FAF1: variants seen among roughly 807,000 people sequenced by gnomAD.
FAF1 encodes FAS-associated factor 1.
Under a neutral mutation model 92.5 loss-of-function variants are expected in FAF1, and 25 were observed. The observed-to-expected ratio is 0.27, with a 90% CI of 0.20 to 0.38. FAF1 has a LOEUF of 0.38. Ranked by LOEUF, FAF1 falls within the 10% of genes least tolerant of loss-of-function variation. FAF1 has a pLI of 1.00. For missense variants in FAF1, 636 were observed against 793.3 expected, an observed-to-expected ratio of 0.80 and a Z score of 2.38; for synonymous variants, 234 against 273.2, an observed-to-expected ratio of 0.86 and a Z score of 1.42.
At chr1:50,545,653 TG>T (rs1248929912) in intron 13 of FAF1, among the ~76,000 whole-genome samples, 1 of 152,176 alleles carries the variant, frequency 6.6e-6, no homozygotes, top group East Asian at 1.9e-4. Context: ...AAACTGGCTT[TG>T]GCAAGGTTAC....
At chr1:50,763,833 T>C (rs1355549912) in intron 4 of FAF1, among the ~76,000 whole-genome samples, 1 of 152,190 alleles carries the variant, frequency 6.6e-6, no homozygotes, top group Non-Finnish European at 1.5e-5. Flanking sequence ...ATTGAAGTGG[T>C]TTCAGGTTTT....
chr1:50,594,168 A>G (rs1217177733), intron 9 of FAF1, among the ~76,000 whole-genome samples: 1 of 151,516 alleles, frequency 6.6e-6, no homozygotes, highest in African/African-American at 2.4e-5. Flanking sequence ...CAAAAAATTG[A>G]GCCGGGTGTG....
At chr1:50,710,196 T>A (rs1310493722) in intron 6 of FAF1, among the ~76,000 whole-genome samples, 1 of 152,226 alleles carries the variant, frequency 6.6e-6, no homozygotes, top group East Asian at 1.9e-4. Flanking sequence ...TGCTTGCCTT[T>A]ATGCAATTCC....
chr1:50,744,932 TTTATC>T (rs1659528093), intron 4 of FAF1, among the ~76,000 whole-genome samples, 157 bp from the exon 5 acceptor site: 2 of 152,200 alleles, frequency 1.3e-5, no homozygotes, highest in Admixed American at 6.5e-5. Flanking sequence ...AATAATATTA[TTTATC>T]TTATCTTGCC....
chr1:50,679,886 A>C (rs1449707286), intron 7 of FAF1, among the ~76,000 whole-genome samples: 1 of 152,216 alleles, frequency 6.6e-6, no homozygotes, highest in African/African-American at 2.4e-5. Context: ...ATCTAATAAC[A>C]ATACTACATA....
At chr1:50,856,819 G>C (rs187769313) in intron 2 of FAF1, among the ~76,000 whole-genome samples, 9 of 151,704 alleles carry the variant, frequency 5.9e-5, no homozygotes, top group African/African-American at 2.2e-4. Context: ...CAACAGCATA[G>C]GACTAGTTGG....
chr1:50,729,379 G>C (rs1283922633), intron 6 of FAF1, among the ~76,000 whole-genome samples: 2 of 150,814 alleles, frequency 1.3e-5, no homozygotes, highest in Non-Finnish European at 3.0e-5. Flanking sequence ...TATTATCTAT[G>C]GTCACAAGTG....
intron 1 of FAF1, among the ~76,000 whole-genome samples, chr1:50,882,261 T>C (rs951812030): frequency 6.6e-6 from 1 of 152,130 alleles, no homozygotes; most frequent in African/African-American, 2.4e-5. Context: ...ATGTACATTG[T>C]AAGAAGATCT....
chr1:50,459,614 T>G (rs1646400530), intron 18 of FAF1, among the ~76,000 whole-genome samples: 1 of 152,230 alleles, frequency 6.6e-6, no homozygotes, highest in African/African-American at 2.4e-5. Context: ...TGATCCTTCC[T>G]TCTTCCTGAT....
chr1:50,708,373 G>A (rs113011203), intron 6 of FAF1, among the ~76,000 whole-genome samples: 1,936 of 152,178 alleles, frequency 0.013, 36 homozygotes, highest in African/African-American at 0.043. Flanking sequence ...TAACCCCAAG[G>A]TTTCTGGCCT....
chr1:50,718,460 G>A (rs1437070959), intron 6 of FAF1, among the ~76,000 whole-genome samples: 1 of 152,212 alleles, frequency 6.6e-6, no homozygotes, highest in Non-Finnish European at 1.5e-5. Context: ...AGTGCTATGT[G>A]TGCAGTTAAG....
chr1:50,564,748 C>T (rs1650094661), intron 13 of FAF1, among the ~76,000 whole-genome samples: 1 of 151,978 alleles, frequency 6.6e-6, no homozygotes, highest in African/African-American at 2.4e-5. Context: ...TGATAGGTGG[C>T]AAGAAAATTG....
At chr1:50,851,241 G>C (rs183811310) in intron 2 of FAF1, among the ~76,000 whole-genome samples, 1 of 151,972 alleles carries the variant, frequency 6.6e-6, no homozygotes, top group Non-Finnish European at 1.5e-5. Context: ...CCACCAAGCG[G>C]GGCTAATTTT....
At chr1:50,816,250 G>A (rs1311847064) in intron 2 of FAF1, among the ~76,000 whole-genome samples, 1 of 143,576 alleles carries the variant, frequency 7.0e-6, no homozygotes, top group Non-Finnish European at 1.5e-5. Flanking sequence ...TGTCGCCCAG[G>A]CTGGAGTGCA....
At chr1:50,958,996 GCCTT>G (rs1645293972) in intron 1 of FAF1, among the ~76,000 whole-genome samples, 1 of 152,152 alleles carries the variant, frequency 6.6e-6, no homozygotes, top group Non-Finnish European at 1.5e-5. Flanking sequence ...CTTTCAAAGG[GCCTT>G]CCTAAGATAC....
chr1:50,759,308 C>G (rs569544844), intron 4 of FAF1, among the ~76,000 whole-genome samples: 86 of 129,966 alleles, frequency 6.6e-4, no homozygotes, highest in African/African-American at 2.1e-3. Context: ...CCCTCCCCCC[C>G]ACCCCACAAC....
intron 4 of FAF1, among the ~76,000 whole-genome samples, chr1:50,752,067 T>G (rs1409692306): frequency 1.3e-5 from 2 of 152,136 alleles, no homozygotes; most frequent in Non-Finnish European, 2.9e-5. Flanking sequence ...CCTCCCAGGT[T>G]CAAGCGATTC....
intron 17 of FAF1, among the ~76,000 whole-genome samples, chr1:50,480,510 T>C (rs370277376): frequency 5.1e-4 from 78 of 152,318 alleles, no homozygotes; most frequent in African/African-American, 1.8e-3. Flanking sequence ...GCATCTTCTA[T>C]GAGTCAGGCA....
At chr1:50,871,872 T>C (rs1644530493) in intron 1 of FAF1, among the ~76,000 whole-genome samples, 1 of 152,074 alleles carries the variant, frequency 6.6e-6, no homozygotes, top group Non-Finnish European at 1.5e-5. Flanking sequence ...GAGACCATCC[T>C]GGCTAACACG....
Sources: allele counts gnomAD v4.1 joint callset (sites outside exome capture counted in the v4.1 genomes callset), GRCh38; gene constraint gnomAD v4.1.1; transcripts MANE v1.5; gene names NCBI Gene and HGNC (gene_info 2026-07-23, HGNC 2026-07-21).